NBR1: variants seen among roughly 807,000 people sequenced by gnomAD.
The protein encoded by NBR1 is next to BRCA1 gene 1 protein.
A neutral mutation model predicts 115.5 loss-of-function variants in NBR1; 59 were observed. The ratio of observed to expected loss-of-function variants is 0.51; its 90% CI spans 0.41 to 0.63. The LOEUF is 0.63. Ranked by LOEUF, NBR1 falls within the 30% of genes least tolerant of loss-of-function variation. The probability of loss-of-function intolerance (pLI) is 0.00; values close to 1 mark genes in which losing one functional copy is unlikely to be tolerated. For synonymous variants in NBR1, 373 were observed against 414.7 expected, an observed-to-expected ratio of 0.90 and a Z score of 1.22; for missense variants, 1,043 against 1,150.5, an observed-to-expected ratio of 0.91 and a Z score of 1.35.
intron 9 of NBR1, 142 bp from the exon 10 acceptor site, chr17:43,191,230 C>A: frequency 1.5e-6 from 1 of 657,460 alleles, no homozygotes; most frequent in Non-Finnish European, 2.7e-6. Flanking sequence ...CTCCAGCCTA[C>A]ATGACAGAGT....
In NBR1 at chr17:43,171,255, G is replaced by T. The variant is rs756441178; in HGVS notation, c.-57G>T. ...GATAGCGGCAGAGCCGGTAGCGGAC[G>T]GTCCTTGCATTGGCCTCCGGCAGGC... On this transcript the variant is annotated 5_prime_UTR_variant, in exon 1 of 21. Transcript: ENST00000590996. 6.5e-6 allele frequency: 1 copy of T among 152,678 alleles called. No homozygotes were observed. The highest frequency in any genetic ancestry group is 2.4e-5 in the African/African-American group (1 of 41,466). 9.5% of individuals were successfully genotyped at this position (152,678 alleles called of 1,614,324 possible).
Position 43,196,501 on chromosome 17 carries a change from C to T in NBR1, c.1771C>T (p.Pro591Ser). Residue 591 changes from proline (P) to serine (S), a missense_variant, in exon 15 of 21, where the codon CCT becomes TCT. Transcript: ENST00000590996. Reference sequence around the variant, plus strand: ...TCCAGATGTGACTCCCTGCATGTCTCCTCTGCCACATGACAGTCCTTTAAT... The same window carrying T: ...TCCAGATGTGACTCCCTGCATGTCTTCTCTGCCACATGACAGTCCTTTAAT... The part of the protein sequence containing the change: ...TPVDVTPCMS[P>S]LPHDSPLIEK... 6.3e-7 allele frequency: 1 copy of T among 1,590,738 alleles called. No homozygotes were observed. Among genetic ancestry groups the T allele is most frequent in the Non-Finnish European group, 8.5e-7 (1 of 1,172,586 alleles).
At chr17:43,174,300 A>G (rs1050635630) in intron 1 of NBR1, among the ~76,000 whole-genome samples, 2 of 152,314 alleles carry the variant, frequency 1.3e-5, no homozygotes, top group African/African-American at 2.4e-5. Context: ...TCCCATAAAA[A>G]TATTTTAAAA....
intron 8 of NBR1, 158 bp downstream of exon 8, chr17:43,189,960 G>A: frequency 3.1e-6 from 2 of 655,524 alleles, no homozygotes; most frequent in South Asian, 3.6e-5. Context: ...TCACCCACAT[G>A]CTTTGTATGT....
chr17:43,200,225 C>T lies in NBR1; in HGVS notation c.2085C>T (p.Ile695=), dbSNP rs1283928542. The change falls in exon 17 of 21, where the codon ATC becomes ATT. Residue 695 remains isoleucine (I), a synonymous_variant. Coordinates refer to ENST00000590996, the MANE Select transcript of NBR1 (RefSeq NM_005899.5). ...ATGAGAAGGAGGAGATTATCCATATCGCTGAGGAAGAAGCTGTCATGGAGG... is the reference window on the plus strand; with the variant it reads ...ATGAGAAGGAGGAGATTATCCATATTGCTGAGGAAGAAGCTGTCATGGAGG... ...LGNEKEEIIH[I]AEEEAVMEEE... is the part of the protein sequence containing the mutation. 6 of 1,551,684 alleles carry T rather than the reference C, an allele frequency of 3.9e-6. No homozygotes were observed. Among genetic ancestry groups the T allele is most frequent in the Non-Finnish European group, 4.4e-6 (5 of 1,146,956 alleles).
At chr17:43,179,190 T>C (rs573546094) in intron 3 of NBR1, among the ~76,000 whole-genome samples, 2 of 152,340 alleles carry the variant, frequency 1.3e-5, no homozygotes, top group South Asian at 4.1e-4. Context: ...TATATTGCAC[T>C]GCCTTTTAAT....
Position 43,210,757 on chromosome 17 carries a change from G to C in NBR1, c.*683G>C, listed in dbSNP as rs2057402773. The C allele has an allele frequency of 5.0e-6, 2 of 398,304 alleles. No individual in the cohort carries two copies. The highest frequency in any genetic ancestry group is 8.8e-6 in the Non-Finnish European group (2 of 226,044). 24.7% of individuals were successfully genotyped at this position (398,304 alleles called of 1,614,324 possible). A position where few individuals can be genotyped will look rare whatever the true frequency, so the allele number is the denominator to read the frequency against. On this transcript the variant is annotated 3_prime_UTR_variant, in exon 21 of 21. Coordinates refer to ENST00000590996, the MANE Select transcript of NBR1 (RefSeq NM_005899.5). ...TGATAAACCTACCAGCACCTATTGA[G>C]CAATGTCTATTATAGTAATTTTGCA...
chr17:43,200,045 T>C, intron 16 of NBR1, 122 bp from the exon 17 acceptor site: 2 of 784,896 alleles, frequency 2.5e-6, no homozygotes. Flanking sequence ...TTCCCTTTAG[T>C]TCTTCCCTCT....
chr17:43,182,162 A>G (rs577723111), intron 5 of NBR1, among the ~76,000 whole-genome samples: 7 of 140,406 alleles, frequency 5.0e-5, no homozygotes, highest in Non-Finnish European at 9.1e-5. Flanking sequence ...TTCTAGAACT[A>G]TGTTTACTGG....
At chr17:43,171,475 T>G (rs1345904548) in intron 1 of NBR1, among the ~76,000 whole-genome samples, 173 bp downstream of exon 1, 1 of 152,180 alleles carries the variant, frequency 6.6e-6, no homozygotes, top group Non-Finnish European at 1.5e-5. Flanking sequence ...AGGGACCGAG[T>G]TGGCGAGAAG....
Position 43,175,822 on chromosome 17 carries a change from A to G in NBR1, c.23A>G (p.Asn8Ser). The change falls in exon 2 of 21, where the codon AAT becomes AGT. Residue 8 changes from asparagine to serine, a missense_variant. By Grantham distance (46) the Asn-to-Ser change is conservative. Coordinates refer to ENST00000590996, the MANE Select transcript of NBR1 (RefSeq NM_005899.5). ...AGCATGGAACCACAGGTTACTCTAA[A>G]TGTGACTTTTAAAAATGAAATTCAA... MEPQVTL[N>S]VTFKNEIQSF... 1 of 1,599,756 alleles carries G rather than the reference A, an allele frequency of 6.3e-7. No individual in the cohort carries two copies. The highest frequency in any genetic ancestry group is 8.5e-7 in the Non-Finnish European group (1 of 1,170,508).
intron 17 of NBR1, 131 bp from the exon 18 acceptor site, chr17:43,201,555 G>A: frequency 4.7e-6 from 3 of 636,956 alleles, no homozygotes; most frequent in Admixed American, 5.4e-5. Context: ...CCTAAATCCA[G>A]ACATGTGATC....
intron 8 of NBR1, 94 bp downstream of exon 8, chr17:43,189,896 C>A: frequency 9.4e-7 from 1 of 1,067,404 alleles, no homozygotes; most frequent in East Asian, 2.4e-5. Context: ...TTAATTGTAC[C>A]CTGTTTCTGA....
intron 16 of NBR1, among the ~76,000 whole-genome samples, chr17:43,199,008 G>T (rs1329524915): frequency 6.6e-6 from 1 of 151,660 alleles, no homozygotes; most frequent in African/African-American, 2.4e-5. Flanking sequence ...CCACATGTGT[G>T]TACAAATACA....
chr17:43,179,845 G>C (rs1431101201), intron 4 of NBR1, among the ~76,000 whole-genome samples: 2 of 152,226 alleles, frequency 1.3e-5, no homozygotes, highest in East Asian at 3.9e-4. Flanking sequence ...AGTTTCCCAC[G>C]ATAGCCCCTA....
rs138798982 is a variant in NBR1 at position 43,184,657 on chromosome 17, C to T, written c.208-1593C>T. Among the ~76,000 whole-genome samples the T allele has an allele frequency of 6.9e-3, 1,041 of 151,924 alleles. 9 individuals carry two copies. Among genetic ancestry groups the T allele is most frequent in the African/African-American group, 0.023 (955 of 41,464 alleles). ...CTGGGATTACAGGCATGAGCCACCGCGCCTGGCCCCAAAATACTATTTTTA... is the reference window on the plus strand; with the variant it reads ...CTGGGATTACAGGCATGAGCCACCGTGCCTGGCCCCAAAATACTATTTTTA... On this transcript the variant is annotated intron_variant, in intron 5 of 20. Coordinates refer to ENST00000590996, the MANE Select transcript of NBR1 (RefSeq NM_005899.5).
Position 43,200,459 on chromosome 17 carries a change from G to A in NBR1, c.2319G>A (p.Gly773=). The change falls in exon 17 of 21, where the codon GGG becomes GGA. Residue 773 remains glycine (G), a synonymous_variant. Transcript: ENST00000590996. ...GAEGKPGVEA[G]QEPAEAGERL... ...AAGGCAAGCCTGGGGTTGAGGCTGG[G>A]CAGGAACCAGCTGAGGCTGGGGAAA... 1 of 1,613,264 alleles carries A rather than the reference G, an allele frequency of 6.2e-7. No homozygotes were observed. Among genetic ancestry groups the A allele is most frequent in the Non-Finnish European group, 8.5e-7 (1 of 1,179,602 alleles).
chr17:43,193,386 A>G lies in NBR1; in HGVS notation c.1272A>G (p.Thr424=), dbSNP rs143271243. The G allele has an allele frequency of 5.8e-4, 935 of 1,614,000 alleles. 2 individuals carry two copies. Among genetic ancestry groups the G allele is most frequent in the Admixed American group, 1.8e-3 (108 of 60,020 alleles). Residue 424 remains threonine, a synonymous_variant, in exon 12 of 21, where the codon ACA becomes ACG. Transcript: ENST00000590996. ...GGGGAAACCTGACTTTGGCTTCCAC[A>G]GAAAAGAAGGATGTTTTGGTTCCCT... ...FMWGNLTLAS[T]EKKDVLVPCL...
Position 43,180,821 on chromosome 17 carries a change from A to G in NBR1, c.207+4A>G. ...AGAATATGAAGAAGCGCTTAAGGTA[A>G]TGATTATTTAATCTCATTTTTAAAT... On this transcript the variant is annotated splice_donor_region_variant and intron_variant, in intron 5 of 20. Coordinates refer to ENST00000590996, the MANE Select transcript of NBR1 (RefSeq NM_005899.5). The G allele has an allele frequency of 1.4e-6, 2 of 1,440,038 alleles. No homozygotes were observed. Among genetic ancestry groups the G allele is most frequent in the Non-Finnish European group, 1.8e-6 (2 of 1,090,490 alleles). The allele number at this position is 1,440,038 out of a possible 1,614,324, so 89.2% of individuals were successfully genotyped here. A position where few individuals can be genotyped will look rare whatever the true frequency, so the allele number is the denominator to read the frequency against.
Sources: allele counts gnomAD v4.1 joint callset (sites outside exome capture counted in the v4.1 genomes callset), GRCh38; gene constraint gnomAD v4.1.1; transcripts MANE v1.5; gene names NCBI Gene and HGNC (gene_info 2026-07-23, HGNC 2026-07-21).